The following GRID2 variants were observed in gnomAD, a reference collection of about 807,000 sequenced individuals.
GRID2 encodes glutamate receptor ionotropic, delta-2.
Under a neutral mutation model 114.8 loss-of-function variants are expected in GRID2, and 33 were observed. The observed-to-expected ratio is 0.29, with a 90% confidence interval of 0.22 to 0.38. The LOEUF (loss-of-function observed/expected upper bound fraction) is 0.38. GRID2 is among the 10% of genes least tolerant of loss of function. GRID2 has a pLI of 1.00. For synonymous variants in GRID2, 505 were observed against 449.9 expected (o/e 1.12, Z -1.55); for missense variants, 1,184 against 1,257.7 (o/e 0.94, Z 0.89).
chr4:93,703,097 A>T (rs1727652165), intron 14 of GRID2, among the ~76,000 whole-genome samples: 1 of 152,074 alleles, frequency 6.6e-6, no homozygotes, highest in South Asian at 2.1e-4. Context: ...GAAGGTAAAA[A>T]TTTGTCTCAT....
chr4:92,805,197 A>G (rs748182410), intron 2 of GRID2, among the ~76,000 whole-genome samples: 28 of 151,956 alleles, frequency 1.8e-4, no homozygotes, highest in Non-Finnish European at 3.2e-4. Flanking sequence ...CGATATCGTT[A>G]TTTCTCTTTT....
chr4:92,899,588 TGTTA>T (rs1412163214), intron 2 of GRID2, among the ~76,000 whole-genome samples: 1 of 151,708 alleles, frequency 6.6e-6, no homozygotes, highest in African/African-American at 2.4e-5. Context: ...TTTAATTGTT[TGTTA>T]TTTTGTTTTA....
intron 2 of GRID2, among the ~76,000 whole-genome samples, chr4:92,644,774 C>G (rs1310955142): frequency 2.6e-5 from 4 of 151,420 alleles, no homozygotes; most frequent in African/African-American, 7.3e-5. Flanking sequence ...TTGTATAGTT[C>G]AAATAAACTT....
intron 2 of GRID2, among the ~76,000 whole-genome samples, chr4:93,007,578 G>T (rs1055069000): frequency 1.3e-5 from 2 of 152,080 alleles, no homozygotes; most frequent in Non-Finnish European, 2.9e-5. Context: ...ACTCACAAGA[G>T]AATGAGTATA....
intron 2 of GRID2, among the ~76,000 whole-genome samples, chr4:92,837,403 C>A (rs1302409230): frequency 6.7e-6 from 1 of 148,736 alleles, no homozygotes; most frequent in Admixed American, 6.8e-5. Context: ...ACACTACCTT[C>A]AAAAAAATTG....
chr4:92,878,263 G>T (rs1296539090), intron 2 of GRID2, among the ~76,000 whole-genome samples: 1 of 152,016 alleles, frequency 6.6e-6, no homozygotes, highest in African/African-American at 2.4e-5. Flanking sequence ...TGTAGGAGGC[G>T]GTTTTACTCA....
rs932871414 is a variant in GRID2, at chr4:93,470,808, T to C, written c.1858+14834T>C. On this transcript the variant is annotated intron_variant, in intron 11 of 15. Coordinates refer to ENST00000282020, the MANE Select transcript of GRID2 (RefSeq NM_001510.4). ...TCAAAAACAAAAATCTACAGATATATTCTTATCAATTTATTTTTAAATTTT... is the reference window on the plus strand; with the variant it reads ...TCAAAAACAAAAATCTACAGATATACTCTTATCAATTTATTTTTAAATTTT... 5.9e-5 allele frequency among the ~76,000 whole-genome samples: 9 copies of C among 152,242 alleles called. No homozygotes were observed. In the East Asian group the frequency reaches 1.7e-3, roughly 29 times the overall value.
intron 3 of GRID2, among the ~76,000 whole-genome samples, chr4:93,109,077 G>A (rs1043754024): frequency 1.3e-5 from 2 of 152,208 alleles, no homozygotes; most frequent in African/African-American, 4.8e-5. Flanking sequence ...ACCTCTACCA[G>A]TGTCAACCAA....
At chr4:93,233,671 G>A (rs888560670) in intron 7 of GRID2, among the ~76,000 whole-genome samples, 1 of 152,048 alleles carries the variant, frequency 6.6e-6, no homozygotes, top group Non-Finnish European at 1.5e-5. Context: ...ACAGGGTGGT[G>A]ATAAAATCAG....
intron 2 of GRID2, among the ~76,000 whole-genome samples, chr4:93,017,281 A>C (rs537570336): frequency 6.6e-6 from 1 of 152,182 alleles, no homozygotes; most frequent in Non-Finnish European, 1.5e-5. Context: ...TTCCTATAAG[A>C]AAATAAAATA....
rs540542630 is a variant in GRID2 at position 93,065,958 on chromosome 4, T to C, written c.245-19037T>C. Among the ~76,000 whole-genome samples, 142 of 152,040 alleles carry C rather than the reference T, an allele frequency of 9.3e-4. 1 individual carries two copies. The highest frequency in any genetic ancestry group is 3.3e-3 in the African/African-American group (139 of 41,552). On this transcript the variant is annotated intron_variant, in intron 2 of 15. Transcript: ENST00000282020. ...TATCAGTCACTGCTCTAAGATATACTAACTCATTCAGTTCCCATAGTGATA... is the reference window on the plus strand; with the variant it reads ...TATCAGTCACTGCTCTAAGATATACCAACTCATTCAGTTCCCATAGTGATA...
At chr4:92,457,080 A>G (rs1298619062) in intron 1 of GRID2, among the ~76,000 whole-genome samples, 1 of 152,020 alleles carries the variant, frequency 6.6e-6, no homozygotes, top group Non-Finnish European at 1.5e-5. Flanking sequence ...TAGTTTCTAG[A>G]TATTCTAGGT....
At chr4:92,945,233 CTTGA>C (rs534030054) in intron 2 of GRID2, among the ~76,000 whole-genome samples, 141 of 152,202 alleles carry the variant, frequency 9.3e-4, no homozygotes, top group Middle Eastern at 3.4e-3. Context: ...ATTCTACTCT[CTTGA>C]TTGATAGTTT....
chr4:92,748,331 C>G (rs1737257131), intron 2 of GRID2, among the ~76,000 whole-genome samples: 1 of 152,096 alleles, frequency 6.6e-6, no homozygotes, highest in Non-Finnish European at 1.5e-5. Context: ...AAAGAAAATT[C>G]AGATTCAGGT....
At chr4:92,425,253 C>T (rs796394809) in intron 1 of GRID2, among the ~76,000 whole-genome samples, 29 of 152,020 alleles carry the variant, frequency 1.9e-4, no homozygotes, top group African/African-American at 6.5e-4. Context: ...AAGGGTGGCT[C>T]GTTTAGATAT....
intron 2 of GRID2, among the ~76,000 whole-genome samples, chr4:93,026,910 T>G (rs1333632194): frequency 6.6e-6 from 1 of 152,004 alleles, no homozygotes; most frequent in African/African-American, 2.4e-5. Flanking sequence ...AAACTGCCCA[T>G]TTATAGTAGG....
intron 1 of GRID2, among the ~76,000 whole-genome samples, chr4:92,448,603 A>G (rs545026914): frequency 6.6e-6 from 1 of 152,280 alleles, no homozygotes; most frequent in Non-Finnish European, 1.5e-5. Flanking sequence ...AAAAAAATAA[A>G]CATTTACATA....
chr4:92,533,457 AT>A, intron 1 of GRID2, among the ~76,000 whole-genome samples: 1 of 151,280 alleles, frequency 6.6e-6, no homozygotes, highest in Non-Finnish European at 1.5e-5. Context: ...ACATACATAC[AT>A]ACATACATAC....
At chr4:92,450,411 A>G (rs889686295) in intron 1 of GRID2, among the ~76,000 whole-genome samples, 1 of 152,096 alleles carries the variant, frequency 6.6e-6, no homozygotes, top group African/African-American at 2.4e-5. Flanking sequence ...GAGAAATCCA[A>G]CTCAATGAAC....
Sources: allele counts gnomAD v4.1 joint callset (sites outside exome capture counted in the v4.1 genomes callset), GRCh38; gene constraint gnomAD v4.1.1; transcripts MANE v1.5; gene names NCBI Gene and HGNC (gene_info 2026-07-23, HGNC 2026-07-21).